Variants in WDR70 observed in about 807,000 individuals in gnomAD.
The protein encoded by WDR70 is WD repeat domain 70, also known as WD repeat-containing protein 70.
Under a neutral mutation model 88.6 loss-of-function variants are expected in WDR70, and 53 were observed. The observed-to-expected ratio is 0.60, with a 90% CI of 0.48 to 0.75. WDR70 has a LOEUF of 0.75. WDR70 is among the 30% of genes least tolerant of loss of function. The pLI is 0.00. For synonymous variants in WDR70, 280 were observed against 270.0 expected, an observed-to-expected ratio of 1.04 and a Z score of -0.36; for missense variants, 610 against 823.2, an observed-to-expected ratio of 0.74 and a Z score of 3.17.
chr5:37,457,240 C>T (rs1301248417), intron 7 of WDR70, among the ~76,000 whole-genome samples: 1 of 152,154 alleles, frequency 6.6e-6, no homozygotes, highest in East Asian at 1.9e-4. Context: ...GGAATTCAGG[C>T]ATGCACCACC....
At chr5:37,496,026 C>A (rs1019112624) in intron 8 of WDR70, among the ~76,000 whole-genome samples, 4 of 152,180 alleles carry the variant, frequency 2.6e-5, no homozygotes, top group Non-Finnish European at 5.9e-5. Flanking sequence ...GAGGTGAAGC[C>A]AGCTGGACTT....
At chr5:37,620,364 T>C (rs1034265610) in intron 10 of WDR70, among the ~76,000 whole-genome samples, 13 of 152,206 alleles carry the variant, frequency 8.5e-5, no homozygotes, top group Admixed American at 1.3e-4. Context: ...GGCAGGGCGC[T>C]AAAGAGCAAA....
At chr5:37,586,653 A>G (rs979028403) in intron 9 of WDR70, among the ~76,000 whole-genome samples, 1 of 132,794 alleles carries the variant, frequency 7.5e-6, no homozygotes, top group East Asian at 2.2e-4. Flanking sequence ...GAGTGAGAAC[A>G]TGCACACACC....
At chr5:37,434,591 C>T (rs1232741430) in intron 5 of WDR70, among the ~76,000 whole-genome samples, 1 of 152,078 alleles carries the variant, frequency 6.6e-6, no homozygotes, top group Admixed American at 6.6e-5. Context: ...TGACCTTAGC[C>T]TAGAAGGGTT....
At chr5:37,501,833 T>G (rs573242286) in intron 8 of WDR70, among the ~76,000 whole-genome samples, 6 of 152,330 alleles carry the variant, frequency 3.9e-5, no homozygotes, top group African/African-American at 1.2e-4. Flanking sequence ...TATGCTGTTT[T>G]GGTTGCTGTA....
chr5:37,586,676 G>A (rs115860008), intron 9 of WDR70, among the ~76,000 whole-genome samples: 2,128 of 151,554 alleles, frequency 0.014, 21 homozygotes, highest in Non-Finnish European at 0.024. Context: ...CTTTTTAAAA[G>A]CATTCTCTTT....
chr5:37,542,913 G>A (rs1489987414), intron 9 of WDR70, among the ~76,000 whole-genome samples: 2 of 152,142 alleles, frequency 1.3e-5, no homozygotes, highest in African/African-American at 4.8e-5. Flanking sequence ...CCATTAAGGG[G>A]CCATCTCTGT....
At chr5:37,505,513 G>GA (rs1045043126) in intron 8 of WDR70, among the ~76,000 whole-genome samples, 63 of 152,066 alleles carry the variant, frequency 4.1e-4, no homozygotes, top group African/African-American at 1.5e-3. Flanking sequence ...TCAGAATATG[G>GA]AAAAAAAGTC....
intron 5 of WDR70, among the ~76,000 whole-genome samples, chr5:37,405,216 A>C (rs990080150): frequency 2.6e-5 from 4 of 152,214 alleles, no homozygotes; most frequent in Non-Finnish European, 5.9e-5. Context: ...TTTTAGTAGC[A>C]CTAGGAAAGG....
At chr5:37,508,534 G>T (rs1278013540) in intron 8 of WDR70, among the ~76,000 whole-genome samples, 1 of 152,124 alleles carries the variant, frequency 6.6e-6, no homozygotes, top group African/African-American at 2.4e-5. Context: ...ATCATGAATG[G>T]CTATTGAGTT....
chr5:37,607,387 C>A (rs1744062836), intron 10 of WDR70, among the ~76,000 whole-genome samples: 2 of 152,102 alleles, frequency 1.3e-5, no homozygotes, highest in African/African-American at 4.8e-5. Flanking sequence ...AATGGTTAAT[C>A]TGTATTTTGT....
chr5:37,610,328 T>A (rs1744155599), intron 10 of WDR70, among the ~76,000 whole-genome samples: 1 of 152,138 alleles, frequency 6.6e-6, no homozygotes, highest in South Asian at 2.1e-4. Context: ...TTTTTTTAAT[T>A]TGAAAGCATA....
At chr5:37,591,092 G>A (rs1399695996) in intron 9 of WDR70, among the ~76,000 whole-genome samples, 3 of 152,114 alleles carry the variant, frequency 2.0e-5, no homozygotes, top group Admixed American at 2.0e-4. Flanking sequence ...TTGCACTCTG[G>A]GAGGCCGAGG....
chr5:37,472,382 T>C (rs922257724), intron 7 of WDR70, among the ~76,000 whole-genome samples: 2 of 152,088 alleles, frequency 1.3e-5, no homozygotes, highest in African/African-American at 4.8e-5. Context: ...TTATATAATA[T>C]ATAGTATGTT....
At chr5:37,393,594 A>T (rs898560740) in intron 4 of WDR70, among the ~76,000 whole-genome samples, 18 of 151,998 alleles carry the variant, frequency 1.2e-4, no homozygotes, top group East Asian at 5.8e-4. Context: ...TTAAAAAAAA[A>T]TTTTTTTTAT....
chr5:37,646,037 C>CTTCCTTCT (rs1399828454), intron 10 of WDR70, among the ~76,000 whole-genome samples: 1 of 150,812 alleles, frequency 6.6e-6, no homozygotes, highest in Non-Finnish European at 1.5e-5. Context: ...GTGGTCTTCT[C>CTTCCTTCT]TTCCTTCTTT....
At chr5:37,477,700 AG>A (rs938998980) in intron 7 of WDR70, among the ~76,000 whole-genome samples, 2 of 152,196 alleles carry the variant, frequency 1.3e-5, no homozygotes, top group African/African-American at 4.8e-5. Flanking sequence ...TGACACAAAA[AG>A]CTTCATACTT....
chr5:37,733,780 G>A (rs1308685706), intron 17 of WDR70, among the ~76,000 whole-genome samples: 1 of 151,800 alleles, frequency 6.6e-6, no homozygotes, highest in African/African-American at 2.4e-5. Flanking sequence ...TATAATATTA[G>A]TTCTTTCAAA....
At chr5:37,635,253 G>A (rs116129289) in intron 10 of WDR70, among the ~76,000 whole-genome samples, 1,809 of 152,224 alleles carry the variant, frequency 0.012, 39 homozygotes, top group African/African-American at 0.041. Flanking sequence ...CAGTAGAGAT[G>A]CATTTCTCAG....
Sources: gnomAD v4.1 joint callset for allele counts (sites outside exome capture counted in the v4.1 genomes callset) on GRCh38, gnomAD v4.1.1 for gene constraint, MANE v1.5 for transcripts, NCBI Gene and HGNC (gene_info 2026-07-23, HGNC 2026-07-21) for gene names.